Variants in EPS8 observed in about 807,000 individuals in gnomAD.
EPS8 encodes the protein epidermal growth factor receptor kinase substrate 8.
A neutral mutation model predicts 103.8 loss-of-function variants in EPS8; 42 were observed. The observed-to-expected ratio is 0.40, with a 90% CI of 0.32 to 0.52. EPS8 has a LOEUF of 0.52. Ranked by LOEUF, EPS8 falls within the 20% of genes least tolerant of loss-of-function variation. The pLI, the probability that EPS8 is intolerant of heterozygous loss-of-function variation, is 0.40. For synonymous variants in EPS8, 344 were observed against 344.6 expected, an observed-to-expected ratio of 1.00 and a Z score of 0.02; for missense variants, 969 against 1,005.1, an observed-to-expected ratio of 0.96 and a Z score of 0.49.
rs1351053182 is a variant in EPS8, at chr12:15,776,014, C to G, written c.-22+13147G>C. On this transcript the variant is annotated intron_variant, in intron 1 of 20. Transcript: ENST00000281172. The surrounding 1 kb of genome is among the most constrained non-coding windows in gnomAD (Gnocchi z 4.2). ...AAAGCTGAAATGAATCAAACCAGAT[C>G]TGACACCACTACAACAAACAAAACT... Among the ~76,000 whole-genome samples the G allele has an allele frequency of 6.6e-6, 1 of 152,164 alleles. No homozygotes were observed. The highest frequency in any genetic ancestry group is 1.5e-5 in the Non-Finnish European group (1 of 68,012).
At position 15,660,594 on chromosome 12, in the gene EPS8, A is replaced by T. The variant is rs769803738; in HGVS notation, c.937+20T>A. 1 of 1,167,566 alleles carries T rather than the reference A, an allele frequency of 8.6e-7. No individual in the cohort carries two copies. The highest frequency in any genetic ancestry group is 1.2e-5 in the South Asian group (1 of 81,978). The allele number at this position is 1,167,566 out of a possible 1,614,324, so 72.3% of individuals were successfully genotyped here. ...TGGAGATCTAACCAGGCATTAGAAG[A>T]TTAAGAAAATCCAACTTACCTCCTG... On this transcript the variant is annotated intron_variant, in intron 10 of 20. Coordinates refer to ENST00000281172, the MANE Select transcript of EPS8 (RefSeq NM_004447.6).
intron 17 of EPS8, among the ~76,000 whole-genome samples, chr12:15,632,252 A>G (rs1322347034): frequency 2.0e-5 from 3 of 152,148 alleles, no homozygotes; most frequent in Non-Finnish European, 2.9e-5. Context: ...TGTGAGGGTA[A>G]TGGTATGGTC....
At chr12:15,632,596 A>G (rs1945066473) in intron 17 of EPS8, among the ~76,000 whole-genome samples, 1 of 152,236 alleles carries the variant, frequency 6.6e-6, no homozygotes, top group South Asian at 2.1e-4. Flanking sequence ...AATTTTAATT[A>G]TTCTAATTTA....
intron 1 of EPS8, among the ~76,000 whole-genome samples, chr12:15,773,333 T>C (rs1413072307): frequency 1.3e-5 from 2 of 152,176 alleles, no homozygotes; most frequent in African/African-American, 4.8e-5. Context: ...AATGGTTCTT[T>C]TACTATGCTC....
intron 12 of EPS8, chr12:15,657,800 C>T (rs1057456439): frequency 1.8e-5 from 6 of 333,232 alleles, no homozygotes; most frequent in East Asian, 8.4e-5. Flanking sequence ...TACTAGTATA[C>T]GTTGAAATAC....
chr12:15,683,821 G>T (rs1415383661), intron 1 of EPS8: 2 of 152,070 alleles, frequency 1.3e-5, no homozygotes, highest in Admixed American at 6.6e-5. Flanking sequence ...TCCTCTCCGG[G>T]TTTGTGTCAC....
rs1946900042 is a variant in EPS8, at chr12:15,748,731, T to G, written c.-22+40430A>C. ...ATTCTGCAACAAGTTTTATGTCAGG[T>G]AAAGACAGAATATCCAATGTATAAC... On this transcript the variant is annotated intron_variant, in intron 1 of 20. Transcript: ENST00000281172. The surrounding 1 kb of genome is among the most constrained non-coding windows in gnomAD (Gnocchi z 4.8). Among the ~76,000 whole-genome samples the G allele has an allele frequency of 6.6e-6, 1 of 152,198 alleles. No individual in the cohort carries two copies. Among genetic ancestry groups the G allele is most frequent in the Non-Finnish European group, 1.5e-5 (1 of 68,024 alleles).
chr12:15,734,491 G>C lies in EPS8; in HGVS notation c.-21-51519C>G, dbSNP rs1431431006. On this transcript the variant is annotated intron_variant, in intron 1 of 20. Coordinates refer to ENST00000281172, the MANE Select transcript of EPS8 (RefSeq NM_004447.6). This position sits in a 1 kb window ranked among gnomAD's most constrained non-coding sequence, Gnocchi z 4.1. ...GGGTGGATCACGAGGTCAGGAGATC[G>C]AGACCATCCTGGCTAACACGGTGAA... Among the ~76,000 whole-genome samples the C allele has an allele frequency of 6.6e-6, 1 of 151,970 alleles. No individual in the cohort carries two copies. The highest frequency in any genetic ancestry group is 1.5e-5 in the Non-Finnish European group (1 of 67,986).
At chr12:15,669,015 T>C (rs1290065309) in intron 6 of EPS8, among the ~76,000 whole-genome samples, 1 of 152,176 alleles carries the variant, frequency 6.6e-6, no homozygotes, top group Non-Finnish European at 1.5e-5. Context: ...CTTAGCCAAC[T>C]GAGTAGCTGA....
intron 3 of EPS8, among the ~76,000 whole-genome samples, chr12:15,676,469 A>C (rs959802323): frequency 2.0e-5 from 3 of 152,108 alleles, no homozygotes; most frequent in African/African-American, 7.2e-5. Flanking sequence ...ATGAATCTGA[A>C]TGATTTGGTG....
intron 1 of EPS8, among the ~76,000 whole-genome samples, chr12:15,710,995 G>C (rs900884578): frequency 6.6e-6 from 1 of 151,878 alleles, no homozygotes; most frequent in Non-Finnish European, 1.5e-5. Flanking sequence ...TTAGTCTCTT[G>C]AGTAGCTGGG....
At chr12:15,655,678 C>A (rs1335155807) in intron 12 of EPS8, among the ~76,000 whole-genome samples, 2 of 151,960 alleles carry the variant, frequency 1.3e-5, no homozygotes, top group Admixed American at 1.3e-4. Flanking sequence ...ATAAAAATAC[C>A]TGATTTAACA....
chr12:15,683,122 C>A (rs1946038147), intron 1 of EPS8, 150 bp from the exon 2 acceptor site: 2 of 488,942 alleles, frequency 4.1e-6, no homozygotes, highest in Non-Finnish European at 7.1e-6. Flanking sequence ...GAGCTCAGGC[C>A]CCAGAGGTAT....
chr12:15,731,386 C>T lies in EPS8; in HGVS notation c.-21-48414G>A, dbSNP rs573132238. On this transcript the variant is annotated intron_variant, in intron 1 of 20. Transcript: ENST00000281172. The surrounding 1 kb of genome is among the most constrained non-coding windows in gnomAD (Gnocchi z 5.1). ...CAATCTCGGCTCACTGCAACCTCAG[C>T]TTCCCAGGTTCGAGCTACTCTCCTG... Among the ~76,000 whole-genome samples the T allele has an allele frequency of 7.9e-5, 12 of 152,250 alleles. No homozygotes were observed. Among genetic ancestry groups the T allele is most frequent in the African/African-American group, 2.6e-4 (11 of 41,530 alleles).
rs772776817 is a variant in EPS8 at position 15,665,862 on chromosome 12, C to A, written c.630G>T (p.Pro210=). The A allele has an allele frequency of 6.2e-7, 1 of 1,613,622 alleles. No individual in the cohort carries two copies. Among genetic ancestry groups the A allele is most frequent in the Non-Finnish European group, 8.5e-7 (1 of 1,179,878 alleles). ...CAGGGGCAGGAGCTCTGGGTGGAGG[C>A]GGTATACTAGGGTCTGCATTGGAAA... ...RMISNADPSI[P]PPPRAPAPAP... The change falls in exon 8 of 21, where the codon CCG becomes CCT. Residue 210 remains proline, a synonymous_variant. Coordinates refer to ENST00000281172, the MANE Select transcript of EPS8 (RefSeq NM_004447.6).
intron 1 of EPS8, among the ~76,000 whole-genome samples, chr12:15,773,048 G>T (rs1591934180): frequency 6.6e-6 from 1 of 152,062 alleles, no homozygotes; most frequent in Admixed American, 6.6e-5. Context: ...GAAGTGAAGA[G>T]GAAACCATAG....
chr12:15,780,968 G>C lies in EPS8; in HGVS notation c.-22+8193C>G, dbSNP rs1424957025. ...AGTGTGTCATATGGCTGACACATAT[G>C]GTCATATGTTGGCCTTAAATACATC... On this transcript the variant is annotated intron_variant, in intron 1 of 20. Transcript: ENST00000281172. This position sits in a 1 kb window ranked among gnomAD's most constrained non-coding sequence, Gnocchi z 4.1. Among the ~76,000 whole-genome samples, 7 of 152,126 alleles carry C rather than the reference G, an allele frequency of 4.6e-5. No homozygotes were observed.
chr12:15,733,716 C>T lies in EPS8; in HGVS notation c.-21-50744G>A, dbSNP rs1946740896. 6.6e-6 allele frequency among the ~76,000 whole-genome samples: 1 copy of T among 152,004 alleles called. No homozygotes were observed. Among genetic ancestry groups the T allele is most frequent in the Non-Finnish European group, 1.5e-5 (1 of 67,992 alleles). On this transcript the variant is annotated intron_variant, in intron 1 of 20. Transcript: ENST00000281172. This position sits in a 1 kb window ranked among gnomAD's most constrained non-coding sequence, Gnocchi z 4.8. ...ATGGAGATAGAAGAAATATCCATTC[C>T]ATTTTACTAAGCATCATACCACATA...
In EPS8 at chr12:15,776,690, T is replaced by C. The variant is rs532295651; in HGVS notation, c.-22+12471A>G. Among the ~76,000 whole-genome samples, 3 of 152,190 alleles carry C rather than the reference T, an allele frequency of 2.0e-5. No homozygotes were observed. The highest frequency in any genetic ancestry group is 4.4e-5 in the Non-Finnish European group (3 of 68,026). On this transcript the variant is annotated intron_variant, in intron 1 of 20. Coordinates refer to ENST00000281172, the MANE Select transcript of EPS8 (RefSeq NM_004447.6). This position sits in a 1 kb window ranked among gnomAD's most constrained non-coding sequence, Gnocchi z 4.2. ...ATAATATATTGTTCCTTACAGCATA[T>C]AATCAAAGTTCCCTAGATATAGCTT...
Sources: gnomAD v4.1 joint callset for allele counts (sites outside exome capture counted in the v4.1 genomes callset) on GRCh38, gnomAD v4.1.1 for gene constraint, Gnocchi (gnomAD v3.1) non-coding constraint, MANE v1.5 for transcripts, NCBI Gene and HGNC (gene_info 2026-07-23, HGNC 2026-07-21) for gene names.